Variants in RFWD3 observed in about 807,000 individuals in gnomAD.
RFWD3 encodes E3 ubiquitin-protein ligase RFWD3.
A neutral mutation model predicts 87.7 loss-of-function variants in RFWD3; 65 were observed. That is an observed-to-expected ratio of 0.74 (90% CI 0.61 to 0.91). The LOEUF (loss-of-function observed/expected upper bound fraction) is 0.91, where lower values mean the gene tolerates loss of function less well. Among genes scored for constraint, RFWD3 ranks in the 40% least tolerant of loss-of-function variants. The pLI, the probability that RFWD3 is intolerant of heterozygous loss-of-function variation, is 0.00. For synonymous variants in RFWD3, 433 were observed against 352.8 expected, an observed-to-expected ratio of 1.23 and a Z score of -2.55; for missense variants, 1,078 against 938.5, an observed-to-expected ratio of 1.15 and a Z score of -1.94.
chr16:74,639,839 T>C (rs1959477493), intron 6 of RFWD3, among the ~76,000 whole-genome samples: 1 of 152,198 alleles, frequency 6.6e-6, no homozygotes, highest in South Asian at 2.1e-4. Flanking sequence ...CAGTGTCTCC[T>C]TATCTAGTTT....
chr16:74,660,797 C>T, intron 2 of RFWD3, 135 bp downstream of exon 2: 1 of 922,110 alleles, frequency 1.1e-6, no homozygotes, highest in Middle Eastern at 2.9e-4. Context: ...ACTTTTATTT[C>T]CACCTATGAG....
rs1597402842 is a variant in RFWD3, at chr16:74,624,047, A to G, written c.2206T>C (p.Leu736=). The G allele has an allele frequency of 1.2e-6, 2 of 1,613,696 alleles. No homozygotes were observed. The highest frequency in any genetic ancestry group is 1.7e-6 in the Non-Finnish European group (2 of 1,179,914). ...ALLWDAASGS[L]LQDLQTDQPV... ...TGATCGGTCTGTAGGTCCTGGAGCA[A>G]CGAGCCACTGGCAGCATCCCACAGC... Residue 736 remains leucine, a synonymous_variant, in exon 13 of 13, where the codon TTG becomes CTG. Transcript: ENST00000361070.
At position 74,644,519 on chromosome 16, in the gene RFWD3, TGTCCTTACCTATG is replaced by T. The variant is rs781337779; in HGVS notation, c.987+9_987+21del. ...ATCTGCCTGACTTAACATGTTAATG[TGTCCTTACCTATG>T]GTCCTTACCTGGGGACATTTTCGTA... On this transcript the variant is annotated intron_variant, in intron 5 of 12. Coordinates refer to ENST00000361070, the MANE Select transcript of RFWD3 (RefSeq NM_018124.4). The T allele has an allele frequency of 5.6e-6, 9 of 1,614,206 alleles. No individual in the cohort carries two copies. The highest frequency in any genetic ancestry group is 7.6e-6 in the Non-Finnish European group (9 of 1,180,006).
At chr16:74,666,014 T>C (rs1008868114) in intron 1 of RFWD3, among the ~76,000 whole-genome samples, 8 of 147,470 alleles carry the variant, frequency 5.4e-5, no homozygotes, top group Non-Finnish European at 1.1e-4. Context: ...CACCTTTTTC[T>C]CTTTATAACA....
At chr16:74,662,040 G>A (rs763922576) in intron 1 of RFWD3, among the ~76,000 whole-genome samples, 10 of 151,676 alleles carry the variant, frequency 6.6e-5, no homozygotes, top group East Asian at 1.9e-4. Flanking sequence ...TCATGTTAGC[G>A]TATTCAACAA....
chr16:74,659,601 C>CAA lies in RFWD3; in HGVS notation c.518+1329_518+1330dup, dbSNP rs58273376. ...CAGAGCAAGACTCTTGTCTTAAAAACAAAAAAAAAACCCAGAGTAATATGC... is the reference window on the plus strand; with the variant it reads ...CAGAGCAAGACTCTTGTCTTAAAAACAAAAAAAAAAAACCCAGAGTAATATGC... On this transcript the variant is annotated intron_variant, in intron 2 of 12. Coordinates refer to ENST00000361070, the MANE Select transcript of RFWD3 (RefSeq NM_018124.4). Among the ~76,000 whole-genome samples the CAA allele has an allele frequency of 5.6e-3, 834 of 148,628 alleles. 4 individuals are homozygous for CAA. The highest frequency in any genetic ancestry group is 8.0e-3 in the African/African-American group (324 of 40,556).
chr16:74,659,358 C>T (rs1415660499), intron 2 of RFWD3, among the ~76,000 whole-genome samples: 1 of 152,154 alleles, frequency 6.6e-6, no homozygotes, highest in South Asian at 2.1e-4. Context: ...CCAAATTACA[C>T]CATAAGGTGC....
At position 74,628,530 on chromosome 16, in the gene RFWD3, G is replaced by C; in HGVS notation, c.1891C>G (p.Leu631Val). 1 of 1,614,188 alleles carries C rather than the reference G, an allele frequency of 6.2e-7. No homozygotes were observed. Among genetic ancestry groups the C allele is most frequent in the Non-Finnish European group, 8.5e-7 (1 of 1,180,034 alleles). ...KMDFSHWPHV[L>V]PLEPGGCIDF... ...ATGCAGCCCCCTGGCTCCAAGGGCA[G>C]CACATGAGGCCAATGAGAAAAGTCC... Residue 631 changes from leucine (L) to valine (V), a missense_variant, in exon 11 of 13, where the codon CTG becomes GTG. Physicochemically the swap from Leu to Val is conservative, Grantham distance 32. Transcript: ENST00000361070.
rs1231592970 is a variant in RFWD3, at chr16:74,622,704, C to T, written c.*1224G>A. ...GCCATTTTCTCCCATGAACAGGACACTGACCTGCCCACATCTTGAAGCATA... is the reference window on the plus strand; with the variant it reads ...GCCATTTTCTCCCATGAACAGGACATTGACCTGCCCACATCTTGAAGCATA... On this transcript the variant is annotated 3_prime_UTR_variant, in exon 13 of 13. Coordinates refer to ENST00000361070, the MANE Select transcript of RFWD3 (RefSeq NM_018124.4). The T allele has an allele frequency of 6.6e-6, 1 of 151,510 alleles. No individual in the cohort carries two copies. Among genetic ancestry groups the T allele is most frequent in the Non-Finnish European group, 1.5e-5 (1 of 67,760 alleles). The allele number at this position is 151,510 out of a possible 1,614,324, so 9.4% of individuals were successfully genotyped here.
chr16:74,657,002 T>C (rs1961035867), intron 2 of RFWD3, among the ~76,000 whole-genome samples: 2 of 152,202 alleles, frequency 1.3e-5, no homozygotes, highest in African/African-American at 4.8e-5. Context: ...GGTTAGTTTA[T>C]TGCTTATCCC....
chr16:74,626,775 A>C (rs1205763642), intron 11 of RFWD3, among the ~76,000 whole-genome samples: 2 of 152,024 alleles, frequency 1.3e-5, no homozygotes, highest in African/African-American at 4.8e-5. Context: ...ATAGGCTAGG[A>C]ATCAAGTTAT....
At chr16:74,641,167 T>G (rs1959609399) in intron 6 of RFWD3, among the ~76,000 whole-genome samples, 1 of 151,826 alleles carries the variant, frequency 6.6e-6, no homozygotes, top group African/African-American at 2.4e-5. Context: ...ACAGATAATT[T>G]TTTTTTTTTT....
intron 6 of RFWD3, 23 bp from the exon 7 acceptor site, chr16:74,637,993 A>T (rs1307225060): frequency 6.5e-7 from 1 of 1,548,842 alleles, no homozygotes; most frequent in Non-Finnish European, 8.9e-7. Context: ...AGCCAGCAAC[A>T]AGTGGGGATT....
intron 6 of RFWD3, among the ~76,000 whole-genome samples, chr16:74,641,757 T>C (rs1029616515): frequency 6.6e-5 from 10 of 151,458 alleles, no homozygotes; most frequent in Admixed American, 2.6e-4. Context: ...ACCCTGTCTC[T>C]ACTAAAAATA....
intron 9 of RFWD3, among the ~76,000 whole-genome samples, chr16:74,631,253 GC>G (rs1360738774): frequency 3.9e-5 from 6 of 152,152 alleles, no homozygotes; most frequent in African/African-American, 1.4e-4. Context: ...GGATTCTGAG[GC>G]AGACAGATCA....
chr16:74,639,898 T>C (rs937303128), intron 6 of RFWD3, among the ~76,000 whole-genome samples: 5 of 152,150 alleles, frequency 3.3e-5, no homozygotes, highest in African/African-American at 7.2e-5. Flanking sequence ...CCTACAAATA[T>C]CGAGATATGT....
chr16:74,663,746 T>C (rs1481288192), intron 1 of RFWD3, among the ~76,000 whole-genome samples: 2 of 152,200 alleles, frequency 1.3e-5, no homozygotes, highest in Non-Finnish European at 2.9e-5. Flanking sequence ...TGATGATTGA[T>C]GACTGCTTAG....
chr16:74,644,832 T>G, intron 4 of RFWD3, 97 bp from the exon 5 acceptor site: 1 of 1,105,240 alleles, frequency 9.0e-7, no homozygotes, highest in South Asian at 1.6e-5. Context: ...GCAAAAAAAA[T>G]GATACAATCA....
chr16:74,639,332 C>A (rs62053578), intron 6 of RFWD3, among the ~76,000 whole-genome samples: 281 of 152,302 alleles, frequency 1.8e-3, no homozygotes, highest in Non-Finnish European at 3.2e-3. Context: ...GCTACTACAC[C>A]CAGTGCGCTA....
Sources: gnomAD v4.1 joint callset for allele counts (sites outside exome capture counted in the v4.1 genomes callset) on GRCh38, gnomAD v4.1.1 for gene constraint, MANE v1.5 for transcripts, NCBI Gene and HGNC (gene_info 2026-07-23, HGNC 2026-07-21) for gene names.